DISC1: variants seen among roughly 807,000 people sequenced by gnomAD.
The protein encoded by DISC1 is disrupted in schizophrenia 1 protein.
A neutral mutation model predicts 84.5 loss-of-function variants in DISC1; 57 were observed. The ratio of observed to expected loss-of-function variants is 0.67; its 90% CI spans 0.55 to 0.84. DISC1 has a LOEUF of 0.84. DISC1 is among the 40% of genes least tolerant of loss of function. The pLI, the probability that DISC1 is intolerant of heterozygous loss-of-function variation, is 0.00. For missense variants in DISC1, 1,000 were observed against 1,057.8 expected (o/e 0.95, Z 0.76); for synonymous variants, 411 against 415.2 (o/e 0.99, Z 0.12).
chr1:231,686,675 A>C (rs995235451), intron 1 of DISC1, among the ~76,000 whole-genome samples: 9 of 152,192 alleles, frequency 5.9e-5, no homozygotes, highest in African/African-American at 2.2e-4. Flanking sequence ...CTGGGGCTTA[A>C]CATTTGGCTT....
intron 9 of DISC1, among the ~76,000 whole-genome samples, chr1:231,856,985 G>A (rs2084318075): frequency 6.6e-6 from 1 of 152,236 alleles, no homozygotes; most frequent in Non-Finnish European, 1.5e-5. Context: ...AACATCCACA[G>A]CGAGGTGCTC....
intron 3 of DISC1, among the ~76,000 whole-genome samples, chr1:231,709,498 C>T (rs930145660): frequency 1.3e-5 from 2 of 152,010 alleles, no homozygotes; most frequent in African/African-American, 2.4e-5. Context: ...ACTGCCATGT[C>T]GTGGTGTGTT....
At chr1:231,964,552 G>A (rs1660832742) in intron 10 of DISC1, among the ~76,000 whole-genome samples, 1 of 152,176 alleles carries the variant, frequency 6.6e-6, no homozygotes, top group African/African-American at 2.4e-5. Context: ...CTAGGAGTCT[G>A]CAACCCCTCT....
intron 6 of DISC1, among the ~76,000 whole-genome samples, chr1:231,773,937 A>T (rs2076756614): frequency 6.6e-6 from 1 of 151,964 alleles, no homozygotes; most frequent in Admixed American, 6.6e-5. Flanking sequence ...TTCAGAAACC[A>T]TGAAGGCTTC....
intron 9 of DISC1, among the ~76,000 whole-genome samples, chr1:231,824,955 C>T (rs539702844): frequency 2.0e-5 from 3 of 152,148 alleles, no homozygotes; most frequent in Non-Finnish European, 2.9e-5. Flanking sequence ...TGAGTACTTA[C>T]GATATGCTAG....
chr1:231,688,255 A>G (rs1244490332), intron 1 of DISC1, among the ~76,000 whole-genome samples: 1 of 152,078 alleles, frequency 6.6e-6, no homozygotes, highest in Non-Finnish European at 1.5e-5. Flanking sequence ...GTTTGCAAAC[A>G]TGGACAATGG....
chr1:231,712,457 T>A (rs1229981011), intron 3 of DISC1, among the ~76,000 whole-genome samples: 1 of 152,138 alleles, frequency 6.6e-6, no homozygotes, highest in Admixed American at 6.5e-5. Context: ...AGAACAAACA[T>A]GATCAGAACT....
At chr1:231,750,124 C>T in intron 4 of DISC1, 48 bp downstream of exon 4, 1 of 1,589,612 alleles carries the variant, frequency 6.3e-7, no homozygotes, top group East Asian at 2.2e-5. Flanking sequence ...TTCTTCCTAC[C>T]TCTCAGCTCC....
chr1:231,652,354 T>C (rs2060703069), intron 1 of DISC1, among the ~76,000 whole-genome samples: 2 of 152,230 alleles, frequency 1.3e-5, no homozygotes, highest in Admixed American at 6.5e-5. Flanking sequence ...TATTATCATG[T>C]TATTTTCTTA....
rs140626343 is a variant in DISC1, at chr1:231,722,680, A to G, written c.1117+20656A>G. The G allele has an allele frequency of 8.9e-4, 1,427 of 1,604,366 alleles. 7 individuals are homozygous for G. In the African/African-American group the frequency reaches 0.017, roughly 20 times the overall value. On this transcript the variant is annotated intron_variant, in intron 3 of 12. Coordinates refer to ENST00000439617, the MANE Select transcript of DISC1 (RefSeq NM_018662.3). ...GATCATGACTTCTTTAGACATCATGAAAAGAAAAAGAGGACCCACGTGGAA... is the reference window on the plus strand; with the variant it reads ...GATCATGACTTCTTTAGACATCATGGAAAGAAAAAGAGGACCCACGTGGAA...
intron 9 of DISC1, among the ~76,000 whole-genome samples, chr1:231,924,934 G>A (rs1296363174): frequency 1.3e-5 from 2 of 151,400 alleles, no homozygotes; most frequent in African/African-American, 4.9e-5. Context: ...GGGATTACAG[G>A]CGTGAGTCAC....
At position 231,958,829 on chromosome 1, in the gene DISC1, A is replaced by C. The variant is rs1659986839; in HGVS notation, c.1983A>C (p.Glu661Asp). The C allele has an allele frequency of 6.2e-7, 1 of 1,613,560 alleles. No homozygotes were observed. The highest frequency in any genetic ancestry group is 1.7e-5 in the Admixed American group (1 of 59,960). Residue 661 changes from glutamate (E) to aspartate (D), a missense_variant and splice_region_variant, in exon 10 of 13, where the codon GAA (glutamate) becomes GAC (aspartate). Glu to Asp is a conservative substitution (Grantham distance 45). This residue lies in a region of DISC1 where 397 missense variants were observed against 377.5 expected (regional missense o/e 1.05). Coordinates refer to ENST00000439617, the MANE Select transcript of DISC1 (RefSeq NM_018662.3). ...TTGGATTTCCTTTTTTTCCCCCAGAAACAAGTGTGAAGGAAAATACTATGA... is the reference window on the plus strand; with the variant it reads ...TTGGATTTCCTTTTTTTCCCCCAGACACAAGTGTGAAGGAAAATACTATGA... Reference protein sequence around the residue: ...REVEHQETAYETSVKENTMKY... With the variant: ...REVEHQETAYDTSVKENTMKY...
chr1:231,705,846 C>T (rs2067025445), intron 3 of DISC1, among the ~76,000 whole-genome samples: 1 of 152,110 alleles, frequency 6.6e-6, no homozygotes, highest in South Asian at 2.1e-4. Flanking sequence ...CCTGTTCTGT[C>T]TCAGGGGAAG....
chr1:231,916,915 C>T (rs561461697), intron 9 of DISC1, among the ~76,000 whole-genome samples: 1 of 152,208 alleles, frequency 6.6e-6, no homozygotes, highest in South Asian at 2.1e-4. Flanking sequence ...GGGATCTTGT[C>T]CCTTGAGCTC....
chr1:232,034,786 C>T (rs933956361), intron 12 of DISC1, among the ~76,000 whole-genome samples: 3 of 151,964 alleles, frequency 2.0e-5, no homozygotes, highest in African/African-American at 7.3e-5. Context: ...GATTAAATTC[C>T]AGTTTGGTAT....
chr1:231,863,063 A>G (rs2084786865), intron 9 of DISC1, among the ~76,000 whole-genome samples: 1 of 152,050 alleles, frequency 6.6e-6, no homozygotes, highest in African/African-American at 2.4e-5. Context: ...TAAAAGGGAT[A>G]ATAAAAGACC....
At chr1:231,806,471 C>T (rs1423705953) in intron 8 of DISC1, among the ~76,000 whole-genome samples, 1 of 152,180 alleles carries the variant, frequency 6.6e-6, no homozygotes, top group Non-Finnish European at 1.5e-5. Flanking sequence ...GGCTTCTCTC[C>T]CAGAGCTGGG....
At chr1:232,030,066 A>G (rs200644840) in intron 12 of DISC1, among the ~76,000 whole-genome samples, 2 of 152,198 alleles carry the variant, frequency 1.3e-5, no homozygotes, top group Non-Finnish European at 2.9e-5. Flanking sequence ...AGTGTCTGAA[A>G]ACAGTCTGCA....
At chr1:232,003,652 A>G (rs1417864) in intron 10 of DISC1, among the ~76,000 whole-genome samples, 43,326 of 151,988 alleles carry the variant, frequency 0.29, 6,443 homozygotes, top group African/African-American at 0.33. Context: ...TTTTGGACAT[A>G]TATGGAAAAT....
Sources: allele counts gnomAD v4.1 joint callset (sites outside exome capture counted in the v4.1 genomes callset), GRCh38; gene constraint gnomAD v4.1.1; regional missense constraint gnomAD v4.1.1; transcripts MANE v1.5; gene names NCBI Gene and HGNC (gene_info 2026-07-23, HGNC 2026-07-21).